Variants in ANO6 observed in about 807,000 individuals in gnomAD.
ANO6 encodes the protein anoctamin-6.
In ANO6, 106 loss-of-function variants were observed where a neutral mutation model predicts 117.5. That is an observed-to-expected ratio of 0.90 (90% CI 0.77 to 1.06). The LOEUF (loss-of-function observed/expected upper bound fraction) is 1.06. Ranked by LOEUF, ANO6 falls within the 50% of genes least tolerant of loss-of-function variation. ANO6 has a pLI of 0.00. For missense variants in ANO6, 955 were observed against 1,121.1 expected, an observed-to-expected ratio of 0.85 and a Z score of 2.12; for synonymous variants, 367 against 385.1, an observed-to-expected ratio of 0.95 and a Z score of 0.55.
intron 1 of ANO6, among the ~76,000 whole-genome samples, chr12:45,236,189 G>A (rs1019689900): frequency 6.6e-6 from 1 of 152,142 alleles, no homozygotes; most frequent in Admixed American, 6.5e-5. Flanking sequence ...AGAGTTTATT[G>A]TCAAATTAAT....
intron 1 of ANO6, among the ~76,000 whole-genome samples, chr12:45,279,732 G>C (rs1938663342): frequency 6.6e-6 from 1 of 152,160 alleles, no homozygotes; most frequent in Admixed American, 6.5e-5. Context: ...TAAGACTAAG[G>C]AATTAAAAAT....
intron 3 of ANO6, among the ~76,000 whole-genome samples, chr12:45,346,199 G>A (rs1457493985): frequency 2.0e-5 from 3 of 152,168 alleles, no homozygotes; most frequent in Admixed American, 6.5e-5. Flanking sequence ...AGCAGAGCTT[G>A]TGTTCTTAAC....
chr12:45,279,515 A>G (rs1938655983), intron 1 of ANO6, among the ~76,000 whole-genome samples: 1 of 152,124 alleles, frequency 6.6e-6, no homozygotes, highest in East Asian at 1.9e-4. Flanking sequence ...TGAGTTTTTA[A>G]TTGTTTACAA....
At chr12:45,240,850 C>A (rs1027950108) in intron 1 of ANO6, among the ~76,000 whole-genome samples, 3 of 152,136 alleles carry the variant, frequency 2.0e-5, no homozygotes, top group Admixed American at 2.0e-4. Flanking sequence ...GTTGAAAATT[C>A]TTTTCTTTAA....
chr12:45,427,247 G>A (rs990611413), intron 19 of ANO6, among the ~76,000 whole-genome samples: 5 of 152,086 alleles, frequency 3.3e-5, no homozygotes, highest in African/African-American at 9.7e-5. Context: ...AGCTGGGCTT[G>A]CCCTTCCTCT....
At chr12:45,310,417 A>C (rs1939811208) in intron 2 of ANO6, among the ~76,000 whole-genome samples, 1 of 152,106 alleles carries the variant, frequency 6.6e-6, no homozygotes, top group Non-Finnish European at 1.5e-5. Flanking sequence ...TGAGTAAGTG[A>C]GTCAAGGCTT....
intron 3 of ANO6, among the ~76,000 whole-genome samples, chr12:45,344,306 T>C (rs1941066108): frequency 6.6e-6 from 1 of 152,206 alleles, no homozygotes; most frequent in African/African-American, 2.4e-5. Context: ...GTTGAGTATA[T>C]TCTTTCAACA....
At chr12:45,318,884 G>A (rs541200226) in intron 2 of ANO6, among the ~76,000 whole-genome samples, 6 of 152,222 alleles carry the variant, frequency 3.9e-5, no homozygotes, top group African/African-American at 1.4e-4. Flanking sequence ...TGAAGCAATT[G>A]TGAATGGGAG....
intron 6 of ANO6, among the ~76,000 whole-genome samples, chr12:45,349,516 A>G (rs867613752): frequency 2.0e-5 from 3 of 152,320 alleles, no homozygotes; most frequent in South Asian, 4.1e-4. Flanking sequence ...ATTAAATACT[A>G]TATTATATTG....
intron 1 of ANO6, among the ~76,000 whole-genome samples, chr12:45,270,784 C>T (rs1938370766): frequency 1.3e-5 from 2 of 152,038 alleles, no homozygotes; most frequent in African/African-American, 2.4e-5. Flanking sequence ...GACAGTCTCA[C>T]TCCGTCACCC....
At position 45,429,386 on chromosome 12, in the gene ANO6, T is replaced by G; in HGVS notation, c.*75T>G. 1 of 1,561,982 alleles carries G rather than the reference T, an allele frequency of 6.4e-7. No homozygotes were observed. Among genetic ancestry groups the G allele is most frequent in the Middle Eastern group, 2.1e-4 (1 of 4,794 alleles). On this transcript the variant is annotated 3_prime_UTR_variant, in exon 20 of 20. Transcript: ENST00000320560. ...ATATTAGGAATCACTAATGAGAATG[T>G]GTAAGTTAAATCACTTTGGCAAATA... is the stretch of plus-strand genomic sequence containing the variant.
intron 9 of ANO6, among the ~76,000 whole-genome samples, chr12:45,375,728 G>A (rs1387955641): frequency 3.3e-5 from 5 of 151,466 alleles, no homozygotes; most frequent in African/African-American, 4.9e-5. Flanking sequence ...AGACTTAAAC[G>A]TTAGACCTAA....
chr12:45,334,734 G>A (rs1359501746), intron 3 of ANO6, among the ~76,000 whole-genome samples: 3 of 152,038 alleles, frequency 2.0e-5, no homozygotes, highest in Non-Finnish European at 2.9e-5. Context: ...TCCGTAGGCA[G>A]CCAGCAGTAT....
At position 45,421,220 on chromosome 12, in the gene ANO6, A is replaced by T. The variant is rs1943355676; in HGVS notation, c.2367A>T (p.Lys789Asn). ...TLSIFKVADF[K>N]NKSKGNPYSD... ...CCATCTTCAAAGTCGCAGACTTCAAAAACAAAAGCAAGGGAAACCCGTACT... is the reference window on the plus strand; with the variant it reads ...CCATCTTCAAAGTCGCAGACTTCAATAACAAAAGCAAGGGAAACCCGTACT... Residue 789 changes from lysine (K) to asparagine (N), a missense_variant, in exon 18 of 20, where the codon AAA (lysine) becomes AAT (asparagine). Coordinates refer to ENST00000320560, the MANE Select transcript of ANO6 (RefSeq NM_001025356.3). The T allele has an allele frequency of 6.2e-7, 1 of 1,614,062 alleles. No homozygotes were observed. The highest frequency in any genetic ancestry group is 8.5e-7 in the Non-Finnish European group (1 of 1,180,012).
At chr12:45,385,713 T>C (rs1474882381) in intron 10 of ANO6, among the ~76,000 whole-genome samples, 1 of 152,192 alleles carries the variant, frequency 6.6e-6, no homozygotes, top group African/African-American at 2.4e-5. Context: ...TCATTTCCCC[T>C]TGGGCAGGTA....
Position 45,402,984 on chromosome 12 carries a change from C to G in ANO6, c.1613-88C>G, listed in dbSNP as rs558964181. On this transcript the variant is annotated intron_variant, in intron 13 of 19. Coordinates refer to ENST00000320560, the MANE Select transcript of ANO6 (RefSeq NM_001025356.3). ...AATTGTATTTTTTTAACGTGTTTAA[C>G]GTGTTAACTCATGTATCAGTATTTT... 5 of 1,218,398 alleles carry G rather than the reference C, an allele frequency of 4.1e-6. No homozygotes were observed. The African/African-American group carries it at 7.7e-5, about 19-fold the overall frequency. The allele number at this position is 1,218,398 out of a possible 1,614,324, so 75.5% of individuals were successfully genotyped here. A position where few individuals can be genotyped will look rare whatever the true frequency, so the allele number is the denominator to read the frequency against.
chr12:45,266,803 CAAGT>C (rs917636479), intron 1 of ANO6, among the ~76,000 whole-genome samples: 8 of 98,952 alleles, frequency 8.1e-5, no homozygotes, highest in Admixed American at 2.4e-4. Flanking sequence ...TCTCAAAAAA[CAAGT>C]GTGTGTGTGT....
intron 17 of ANO6, among the ~76,000 whole-genome samples, chr12:45,418,425 GC>G (rs1943268893): frequency 6.6e-6 from 1 of 152,152 alleles, no homozygotes; most frequent in Non-Finnish European, 1.5e-5. Flanking sequence ...TAGAAAAATG[GC>G]AGTGAGGCCT....
chr12:45,326,099 G>A (rs1021129615), intron 2 of ANO6, among the ~76,000 whole-genome samples: 5 of 152,140 alleles, frequency 3.3e-5, no homozygotes, highest in East Asian at 3.9e-4. Context: ...AAGGCATTGC[G>A]CCTTCATCCT....
Sources: allele counts gnomAD v4.1 joint callset (sites outside exome capture counted in the v4.1 genomes callset), GRCh38; gene constraint gnomAD v4.1.1; transcripts MANE v1.5; gene names NCBI Gene and HGNC (gene_info 2026-07-23, HGNC 2026-07-21).